Variants in RPH3AL observed in about 807,000 individuals in gnomAD.
RPH3AL encodes rab effector Noc2.
In RPH3AL, 38 loss-of-function variants were observed where a neutral mutation model predicts 43.1. That is an observed-to-expected ratio of 0.88 (90% CI 0.68 to 1.15). The LOEUF (loss-of-function observed/expected upper bound fraction) is 1.15, where lower values mean the gene tolerates loss of function less well. Ranked by LOEUF, RPH3AL falls within the 50% of genes most tolerant of loss-of-function variation. RPH3AL has a pLI of 0.00. For missense variants in RPH3AL, 462 were observed against 423.2 expected, an observed-to-expected ratio of 1.09 and a Z score of -0.81; for synonymous variants, 189 against 176.3, an observed-to-expected ratio of 1.07 and a Z score of -0.57.
chr17:340,599 TCCCCACATCCACACTCACTGCCCCCCTCC>T (rs1388624311), intron 1 of RPH3AL, among the ~76,000 whole-genome samples: 90 of 7,318 alleles, frequency 0.012, no homozygotes, highest in Middle Eastern at 0.12. Context: ...CACCCAGGCC[TCCCCACATCCACACTCACTGCCCCCCTCC>T]CAGGCCTCCC....
intron 6 of RPH3AL, among the ~76,000 whole-genome samples, chr17:269,420 AG>A (rs1293955279): frequency 6.6e-6 from 1 of 152,160 alleles, no homozygotes; most frequent in Non-Finnish European, 1.5e-5. Context: ...CGCAAGCTCC[AG>A]GCAAAGCTAT....
intron 5 of RPH3AL, among the ~76,000 whole-genome samples, chr17:317,035 C>CCTGTAGTCTCTGTGCCCCACCTCCAT (rs2044266984): frequency 1.4e-5 from 1 of 71,862 alleles, no homozygotes; most frequent in African/African-American, 4.0e-5. Flanking sequence ...TCCACCTCCA[C>CCTGTAGTCTCTGTGCCCCACCTCCAT]TGACCTGTAG....
At chr17:286,510 T>G (rs2042916514) in intron 5 of RPH3AL, among the ~76,000 whole-genome samples, 1 of 152,200 alleles carries the variant, frequency 6.6e-6, no homozygotes, top group Non-Finnish European at 1.5e-5. Flanking sequence ...TAACACATAA[T>G]TGCTGCTTTC....
At chr17:240,369 A>C (rs977963231) in intron 7 of RPH3AL, among the ~76,000 whole-genome samples, 1 of 152,222 alleles carries the variant, frequency 6.6e-6, no homozygotes, top group Non-Finnish European at 1.5e-5. Flanking sequence ...TAGTATAGCC[A>C]TACGTTTACG....
intron 1 of RPH3AL, among the ~76,000 whole-genome samples, chr17:350,916 C>G (rs1012731270): frequency 2.6e-5 from 4 of 152,186 alleles, no homozygotes; most frequent in Non-Finnish European, 4.4e-5. Flanking sequence ...GCTGGCCGCA[C>G]CCACTTCCCC....
chr17:285,639 T>A lies in RPH3AL; in HGVS notation c.352-3785A>T, dbSNP rs142543088. On this transcript the variant is annotated intron_variant, in intron 5 of 9. Transcript: ENST00000331302. ...GCTCTGAGGTCACACTGACCCCATT[T>A]CAGGTACTCCGTGGCCTCACGTGGC... 4.1e-3 allele frequency among the ~76,000 whole-genome samples: 628 copies of A among 152,282 alleles called. 7 individuals carry two copies. The highest frequency in any genetic ancestry group is 0.014 in the African/African-American group (600 of 41,558).
chr17:266,119 G>T (rs534080956), intron 6 of RPH3AL, among the ~76,000 whole-genome samples: 23 of 152,316 alleles, frequency 1.5e-4, no homozygotes, highest in African/African-American at 5.5e-4. Context: ...TCCTAATTGA[G>T]GTGTGAGCTC....
chr17:220,500 T>A (rs374096461), intron 7 of RPH3AL, among the ~76,000 whole-genome samples: 1,502 of 5,828 alleles, frequency 0.26, 3 homozygotes, highest in Middle Eastern at 0.5. Context: ...CCCAAGCACA[T>A]CAGCTCTGAG....
chr17:271,642 T>G (rs1276214740), intron 6 of RPH3AL, among the ~76,000 whole-genome samples: 1 of 152,226 alleles, frequency 6.6e-6, no homozygotes, highest in Non-Finnish European at 1.5e-5. Context: ...TTGCTGAAGT[T>G]GCTTATCAGC....
At chr17:314,580 A>C (rs1317029203) in intron 5 of RPH3AL, among the ~76,000 whole-genome samples, 36 of 74,904 alleles carry the variant, frequency 4.8e-4, no homozygotes, top group Non-Finnish European at 7.0e-4. Context: ...ACTGACAGGC[A>C]GTCTCTGTGC....
At chr17:219,545 G>C (rs12165025) in intron 8 of RPH3AL, 78 bp downstream of exon 8, 1 of 66,876 alleles carries the variant, frequency 1.5e-5, no homozygotes, top group Non-Finnish European at 2.6e-5. Flanking sequence ...TTTTTTTTGA[G>C]ATGGAGTTTC....
At chr17:352,292 C>A (rs908328262) in intron 1 of RPH3AL, among the ~76,000 whole-genome samples, 2 of 152,200 alleles carry the variant, frequency 1.3e-5, no homozygotes, top group Admixed American at 1.3e-4. Flanking sequence ...CCATTCTCTG[C>A]CTGACCCCAG....
At position 321,308 on chromosome 17, in the gene RPH3AL, G is replaced by C; in HGVS notation, c.185C>G (p.Ala62Gly). 1 of 1,610,838 alleles carries C rather than the reference G, an allele frequency of 6.2e-7. No individual in the cohort carries two copies. Among genetic ancestry groups the C allele is most frequent in the Non-Finnish European group, 8.5e-7 (1 of 1,179,910 alleles). Residue 62 changes from alanine to glycine, a missense_variant, in exon 4 of 10, where the codon GCA (alanine) becomes GGA (glycine). By Grantham distance (60) the Ala-to-Gly change is moderately conservative. Coordinates refer to ENST00000331302, the MANE Select transcript of RPH3AL (RefSeq NM_006987.4). Reference protein sequence around the residue: ...VEAILQVIQRAERLDVLEQQR... With the variant: ...VEAILQVIQRGERLDVLEQQR... ...CTGCTCCAGGACGTCGAGCCGCTCT[G>C]CCCTCTGGATGACCTGCAGGATGGC...
chr17:317,120 C>T (rs111523288), intron 5 of RPH3AL, among the ~76,000 whole-genome samples: 11,737 of 145,658 alleles, frequency 0.081, 193 homozygotes, highest in African/African-American at 0.23. Context: ...TGTGACTCCA[C>T]CTCCACTGAC....
At chr17:334,392 C>T (rs1598155200) in intron 1 of RPH3AL, among the ~76,000 whole-genome samples, 1 of 152,388 alleles carries the variant, frequency 6.6e-6, no homozygotes, top group East Asian at 1.9e-4. Flanking sequence ...CACGGAGTCT[C>T]TAGCCCGTCC....
At position 346,786 on chromosome 17, in the gene RPH3AL, A is replaced by C. The variant is rs2045244700; in HGVS notation, c.-213+5926T>G. Among the ~76,000 whole-genome samples, 2 of 136,182 alleles carry C rather than the reference A, an allele frequency of 1.5e-5. 1 individual carries two copies. Among genetic ancestry groups the C allele is most frequent in the Admixed American group, 1.4e-4 (2 of 14,104 alleles). 89.3% of individuals were successfully genotyped at this position (136,182 alleles called of 152,430 possible). ...AAACAAACAACAGACACTTCACTGA[A>C]GATATACAAATGGCAAACAAGCCAA... is the stretch of plus-strand genomic sequence containing the variant. On this transcript the variant is annotated intron_variant, in intron 1 of 9. Transcript: ENST00000331302.
chr17:259,067 A>G (rs2151568129), intron 6 of RPH3AL, among the ~76,000 whole-genome samples: 1 of 152,158 alleles, frequency 6.6e-6, no homozygotes, highest in South Asian at 2.1e-4. Context: ...GACCATGAGC[A>G]CCCGATGGAT....
intron 1 of RPH3AL, chr17:341,474 C>G (rs543702306): frequency 3.3e-5 from 5 of 152,244 alleles, no homozygotes; most frequent in African/African-American, 1.2e-4. Flanking sequence ...TGACGTGGAC[C>G]CTGACATCAC....
At chr17:350,599 AC>A (rs1395801906) in intron 1 of RPH3AL, among the ~76,000 whole-genome samples, 4 of 152,148 alleles carry the variant, frequency 2.6e-5, no homozygotes, top group African/African-American at 7.2e-5. Flanking sequence ...ACAGAGCAAG[AC>A]CCCATCTCAA....
Sources: gnomAD v4.1 joint callset for allele counts (sites outside exome capture counted in the v4.1 genomes callset) on GRCh38, gnomAD v4.1.1 for gene constraint, MANE v1.5 for transcripts, NCBI Gene and HGNC (gene_info 2026-07-23, HGNC 2026-07-21) for gene names.